Variants in PAX5 observed in about 807,000 individuals in gnomAD.
The protein encoded by PAX5 is paired box protein Pax-5.
PAX5 carries 9 observed loss-of-function variants against 43.7 expected under a neutral mutation model. The observed-to-expected ratio is 0.21, with a 90% CI of 0.12 to 0.36. The LOEUF is 0.36. PAX5 is among the 10% of genes least tolerant of loss of function. The probability of loss-of-function intolerance (pLI) is 1.00; values close to 1 mark genes in which losing one functional copy is unlikely to be tolerated. For synonymous variants in PAX5, 228 were observed against 214.3 expected, an observed-to-expected ratio of 1.06 and a Z score of -0.56; for missense variants, 383 against 532.7, an observed-to-expected ratio of 0.72 and a Z score of 2.77.
At chr9:36,990,823 G>A (rs776556155) in intron 5 of PAX5, among the ~76,000 whole-genome samples, 8 of 152,228 alleles carry the variant, frequency 5.3e-5, no homozygotes, top group Non-Finnish European at 1.0e-4. Flanking sequence ...TTAAATTCCA[G>A]AGAAGGCCGG....
At chr9:36,947,391 GTTTA>G (rs1563998000) in intron 6 of PAX5, among the ~76,000 whole-genome samples, 1 of 152,090 alleles carries the variant, frequency 6.6e-6, no homozygotes, top group African/African-American at 2.4e-5. Context: ...GTATTCATTT[GTTTA>G]TTTATTTTTT....
At chr9:36,844,724 A>G (rs1327964490) in intron 9 of PAX5, among the ~76,000 whole-genome samples, 1 of 151,630 alleles carries the variant, frequency 6.6e-6, no homozygotes, top group Non-Finnish European at 1.5e-5. Context: ...ACTAGATTTC[A>G]CTCCAGCTTG....
chr9:36,939,252 G>A (rs2132049258), intron 6 of PAX5, among the ~76,000 whole-genome samples: 1 of 152,318 alleles, frequency 6.6e-6, no homozygotes, highest in Non-Finnish European at 1.5e-5. Flanking sequence ...AAATATGTGT[G>A]GGTTTTACTG....
chr9:36,953,653 G>A (rs1833194965), intron 6 of PAX5, among the ~76,000 whole-genome samples: 1 of 152,076 alleles, frequency 6.6e-6, no homozygotes. Context: ...CTGTTACTGT[G>A]TTTTTTATTT....
intron 8 of PAX5, among the ~76,000 whole-genome samples, chr9:36,853,151 A>G (rs980746202): frequency 6.6e-6 from 1 of 152,220 alleles, no homozygotes; most frequent in African/African-American, 2.4e-5. Flanking sequence ...TTCCAAGTAA[A>G]TGCAAACATC....
intron 8 of PAX5, among the ~76,000 whole-genome samples, chr9:36,877,227 C>T (rs1005593036): frequency 6.6e-6 from 1 of 152,110 alleles, no homozygotes; most frequent in African/African-American, 2.4e-5. Context: ...CCCAGCTACT[C>T]GGGAGGCTGA....
At chr9:36,993,980 CAG>C (rs1365427952) in intron 5 of PAX5, among the ~76,000 whole-genome samples, 1 of 152,154 alleles carries the variant, frequency 6.6e-6, no homozygotes, top group African/African-American at 2.4e-5. Context: ...GGTGCACAAA[CAG>C]AGAGGGTGGG....
At chr9:36,862,909 C>T (rs1824362477) in intron 8 of PAX5, among the ~76,000 whole-genome samples, 1 of 152,184 alleles carries the variant, frequency 6.6e-6, no homozygotes, top group African/African-American at 2.4e-5. Context: ...GCCCTTAAAA[C>T]AGACCAAGGG....
intron 3 of PAX5, among the ~76,000 whole-genome samples, chr9:37,010,776 G>T (rs1285064017): frequency 6.6e-6 from 1 of 152,154 alleles, no homozygotes; most frequent in Non-Finnish European, 1.5e-5. Context: ...CATCAGCTAT[G>T]CCGAGAATTC....
intron 6 of PAX5, among the ~76,000 whole-genome samples, chr9:36,933,523 C>G (rs188995386): frequency 1.3e-5 from 2 of 152,166 alleles, no homozygotes; most frequent in Non-Finnish European, 2.9e-5. Context: ...GAGAGGGGAG[C>G]CCTGCTGCCC....
chr9:36,871,873 G>A (rs536013944), intron 8 of PAX5, among the ~76,000 whole-genome samples: 2 of 152,338 alleles, frequency 1.3e-5, no homozygotes, highest in South Asian at 2.1e-4. Context: ...GCTTTGGACA[G>A]GGCACTCTCC....
intron 8 of PAX5, 59 bp downstream of exon 8, chr9:36,881,945 T>C: frequency 8.0e-7 from 1 of 1,244,202 alleles, no homozygotes; most frequent in Non-Finnish European, 1.2e-6. Context: ...GGGGGGGATG[T>C]CCCCCCACCG....
At chr9:36,893,864 G>T (rs1461563110) in intron 7 of PAX5, among the ~76,000 whole-genome samples, 1 of 152,196 alleles carries the variant, frequency 6.6e-6, no homozygotes, top group Non-Finnish European at 1.5e-5. Flanking sequence ...GACGGTGACG[G>T]TATGTCACTT....
rs1564026577 is a variant in PAX5, at chr9:36,973,087, A to AC, written c.605-6364_605-6363insG. 9.1e-5 allele frequency among the ~76,000 whole-genome samples: 7 copies of AC among 76,604 alleles called. 1 individual carries two copies. In the East Asian group the frequency reaches 9.5e-4, roughly 10 times the overall value. The allele number at this position is 76,604 out of a possible 152,430, so 50.3% of individuals were successfully genotyped here. The stretch of plus-strand genomic sequence containing the variant: ...AAGGAAAGGAACGGAACGGAACGGA[A>AC]AGGAAAGGAAAGGAAAGGAAAGGAA... On this transcript the variant is annotated intron_variant, in intron 5 of 9. Coordinates refer to ENST00000358127, the MANE Select transcript of PAX5 (RefSeq NM_016734.3).
chr9:36,997,680 C>G (rs998643693), intron 5 of PAX5, among the ~76,000 whole-genome samples: 1 of 152,236 alleles, frequency 6.6e-6, no homozygotes, highest in Non-Finnish European at 1.5e-5. Context: ...GCTCTCAGTT[C>G]AAACCAACCA....
chr9:36,889,975 A>G (rs1827241056), intron 7 of PAX5, among the ~76,000 whole-genome samples: 1 of 150,796 alleles, frequency 6.6e-6, no homozygotes, highest in Non-Finnish European at 1.5e-5. Context: ...AATTAACTTC[A>G]AATTTAGCTC....
At chr9:36,845,111 G>A (rs1192072939) in intron 9 of PAX5, among the ~76,000 whole-genome samples, 1 of 152,124 alleles carries the variant, frequency 6.6e-6, no homozygotes, top group Non-Finnish European at 1.5e-5. Flanking sequence ...GGCAGCCCTG[G>A]GCCACTATGG....
intron 1 of PAX5, chr9:37,026,473 C>T (rs539318207): frequency 2.3e-6 from 3 of 1,283,346 alleles, no homozygotes; most frequent in African/African-American, 1.5e-5. Flanking sequence ...ACCCACGGTC[C>T]GGCACCCCCA....
chr9:36,949,117 A>G (rs1455427918), intron 6 of PAX5, among the ~76,000 whole-genome samples: 1 of 152,142 alleles, frequency 6.6e-6, no homozygotes, highest in Non-Finnish European at 1.5e-5. Flanking sequence ...GCTGGAGTGC[A>G]GTGGCACAAT....
Sources: gnomAD v4.1 joint callset for allele counts (sites outside exome capture counted in the v4.1 genomes callset) on GRCh38, gnomAD v4.1.1 for gene constraint, MANE v1.5 for transcripts, NCBI Gene and HGNC (gene_info 2026-07-23, HGNC 2026-07-21) for gene names.